PMS1: variants seen among roughly 807,000 people sequenced by gnomAD.
PMS1 encodes the protein PMS1 protein homolog 1.
PMS1 carries 79 observed loss-of-function variants against 93.1 expected under a neutral mutation model. The observed-to-expected ratio is 0.85, with a 90% CI of 0.71 to 1.02. PMS1 has a LOEUF of 1.02. Among genes scored for constraint, PMS1 ranks in the 50% least tolerant of loss-of-function variants. The pLI is 0.00. For missense variants in PMS1, 1,064 were observed against 1,085.3 expected (o/e 0.98, Z 0.28); for synonymous variants, 335 against 363.4 (o/e 0.92, Z 0.89).
chr2:189,854,706 TGGGGAAA>T lies in PMS1; in HGVS notation c.1435_1441del (p.Gly479MetfsTer35). On this transcript the variant is annotated frameshift_variant, in exon 9 of 13. Transcript: ENST00000441310. LOFTEE classifies it high-confidence loss of function. ...GCAATAAAGACCATATAGATGAGAG[TGGGGAAA>T]ATGAGGAAGAAGCAGGTCTTGAAAA... 1 of 1,613,392 alleles carries T rather than the reference TGGGGAAA, an allele frequency of 6.2e-7. No individual in the cohort carries two copies. Among genetic ancestry groups the T allele is most frequent in the Non-Finnish European group, 8.5e-7 (1 of 1,179,770 alleles).
chr2:189,837,059 C>A (rs2053439375), intron 5 of PMS1, among the ~76,000 whole-genome samples: 1 of 152,078 alleles, frequency 6.6e-6, no homozygotes, highest in South Asian at 2.1e-4. Context: ...AATTTTAAAA[C>A]ATTAGTTTTT....
At chr2:189,815,663 A>G (rs1197808032) in intron 4 of PMS1, among the ~76,000 whole-genome samples, 1 of 152,128 alleles carries the variant, frequency 6.6e-6, no homozygotes, top group Non-Finnish European at 1.5e-5. Context: ...CAGATTACCT[A>G]TTCCAGGGTA....
intron 5 of PMS1, among the ~76,000 whole-genome samples, chr2:189,821,419 T>C (rs796838623): frequency 2.7e-5 from 4 of 147,196 alleles, no homozygotes; most frequent in African/African-American, 7.6e-5. Flanking sequence ...ATTGCGCCAC[T>C]GCACTCCAGC....
intron 5 of PMS1, among the ~76,000 whole-genome samples, chr2:189,835,409 A>G (rs1254012024): frequency 6.6e-6 from 1 of 152,210 alleles, no homozygotes; most frequent in African/African-American, 2.4e-5. Flanking sequence ...ATAATTTTAT[A>G]CTGAATTCAA....
intron 6 of PMS1, among the ~76,000 whole-genome samples, chr2:189,850,394 G>A (rs2054594089): frequency 6.6e-6 from 1 of 152,110 alleles, no homozygotes; most frequent in African/African-American, 2.4e-5. Flanking sequence ...AAGGAGTATA[G>A]GATGAGCTAG....
intron 4 of PMS1, among the ~76,000 whole-genome samples, chr2:189,815,926 CAG>C (rs892477737): frequency 2.0e-5 from 3 of 152,122 alleles, no homozygotes; most frequent in South Asian, 2.1e-4. Context: ...CCCTTAGAAA[CAG>C]GGTTTTGTTC....
intron 5 of PMS1, among the ~76,000 whole-genome samples, chr2:189,827,486 C>T (rs1575164237): frequency 1.3e-5 from 2 of 152,162 alleles, no homozygotes; most frequent in East Asian, 1.9e-4. Context: ...CTTAGAAGTT[C>T]TACTGAGTTC....
chr2:189,831,567 T>C, intron 5 of PMS1, among the ~76,000 whole-genome samples: 1 of 152,168 alleles, frequency 6.6e-6, no homozygotes, highest in Middle Eastern at 3.2e-3. Context: ...TAATACTGCA[T>C]CCTTTTTTAA....
chr2:189,873,567 GATTTAAAAGA>G lies in PMS1; in HGVS notation c.2547_2556del (p.Asp849GlufsTer7). 6.2e-7 allele frequency: 1 copy of G among 1,600,104 alleles called. No individual in the cohort carries two copies. The highest frequency in any genetic ancestry group is 8.6e-7 in the Non-Finnish European group (1 of 1,167,372). Reference sequence around the variant, plus strand: ...TTGTCTCCCATTCTATGGAGTAGCAGATTTAAAAGAAATTCTTAATGCTATATTAAACAGA... The same window carrying G: ...TTGTCTCCCATTCTATGGAGTAGCAGAATTCTTAATGCTATATTAAACAGA... On this transcript the variant is annotated frameshift_variant, in exon 12 of 13. Coordinates refer to ENST00000441310, the MANE Select transcript of PMS1 (RefSeq NM_000534.5). LOFTEE classifies it high-confidence loss of function.
In PMS1 at chr2:189,816,212, A is replaced by G. The variant is rs1249204618; in HGVS notation, c.419-1805A>G. On this transcript the variant is annotated intron_variant, in intron 4 of 12. Transcript: ENST00000441310. Reference sequence around the variant, plus strand: ...CACCTGGTGAAATCTCTATTTTGATATTATAGTCATTTGGTTAGAGTTTAT... The same window carrying G: ...CACCTGGTGAAATCTCTATTTTGATGTTATAGTCATTTGGTTAGAGTTTAT... 3.3e-5 allele frequency among the ~76,000 whole-genome samples: 5 copies of G among 152,182 alleles called. No individual in the cohort carries two copies. In the South Asian group the frequency reaches 6.2e-4, roughly 19 times the overall value.
chr2:189,853,833 T>C (rs939454953), intron 7 of PMS1, 106 bp from the exon 8 acceptor site: 4 of 708,182 alleles, frequency 5.6e-6, no homozygotes, highest in Non-Finnish European at 9.3e-6. Flanking sequence ...ATGCTTTTCC[T>C]AATAAGCAGT....
At chr2:189,837,899 T>C (rs1049358129) in intron 5 of PMS1, among the ~76,000 whole-genome samples, 3 of 152,222 alleles carry the variant, frequency 2.0e-5, no homozygotes, top group South Asian at 2.1e-4. Context: ...AAGGTTATGC[T>C]AAGTGAAAGA....
intron 5 of PMS1, among the ~76,000 whole-genome samples, chr2:189,825,162 T>G (rs1651298472): frequency 6.6e-6 from 1 of 152,184 alleles, no homozygotes; most frequent in Admixed American, 6.5e-5. Flanking sequence ...CTTTGAATAC[T>G]GATAATGTTG....
chr2:189,791,951 C>G lies in PMS1; in HGVS notation c.132+10C>G. The G allele has an allele frequency of 6.2e-7, 1 of 1,612,910 alleles. No individual in the cohort carries two copies. Among genetic ancestry groups the G allele is most frequent in the Non-Finnish European group, 8.5e-7 (1 of 1,179,064 alleles). On this transcript the variant is annotated intron_variant, in intron 2 of 12. Coordinates refer to ENST00000441310, the MANE Select transcript of PMS1 (RefSeq NM_000534.5). ...CGTAGATGTTAAACTGGTGAGTGTC[C>G]TTGAGAACCCAAATACCTTTAAGAC... is the stretch of plus-strand genomic sequence containing the variant.
intron 3 of PMS1, among the ~76,000 whole-genome samples, chr2:189,803,824 T>TA (rs2050102018): frequency 6.6e-6 from 1 of 152,236 alleles, no homozygotes; most frequent in Non-Finnish European, 1.5e-5. Context: ...CATATCTAAA[T>TA]ACGTTTTCGT....
chr2:189,865,302 A>C (rs575987307), intron 10 of PMS1, among the ~76,000 whole-genome samples: 1 of 152,186 alleles, frequency 6.6e-6, no homozygotes, highest in Non-Finnish European at 1.5e-5. Flanking sequence ...ATTCTGAGTC[A>C]TTTGTTCAGT....
At chr2:189,875,955 CA>C (rs561168809) in intron 12 of PMS1, among the ~76,000 whole-genome samples, 874 of 46,160 alleles carry the variant, frequency 0.019, 1 homozygote, top group Non-Finnish European at 0.028. Flanking sequence ...GACTCTGTCT[CA>C]AAAAAAAAAA....
At chr2:189,814,638 T>C (rs1160376580) in intron 4 of PMS1, among the ~76,000 whole-genome samples, 2 of 152,234 alleles carry the variant, frequency 1.3e-5, no homozygotes, top group Non-Finnish European at 2.9e-5. Flanking sequence ...GTGCTAGGGA[T>C]ATAATGGCAA....
Position 189,875,578 on chromosome 2 carries a change from C to T in PMS1, c.2635-1694C>T, listed in dbSNP as rs148111881. Among the ~76,000 whole-genome samples the T allele has an allele frequency of 1.5e-3, 234 of 152,020 alleles. 2 individuals are homozygous for T. Among genetic ancestry groups the T allele is most frequent in the African/African-American group, 5.3e-3 (219 of 41,446 alleles). ...AGTAGTGGAAAAGTAGGCAGCAAGT[C>T]GTATGATAGTGAATAGTGAAAGGAA... On this transcript the variant is annotated intron_variant, in intron 12 of 12. Transcript: ENST00000441310.
Sources: gnomAD v4.1 joint callset for allele counts (sites outside exome capture counted in the v4.1 genomes callset) on GRCh38, gnomAD v4.1.1 for gene constraint, MANE v1.5 for transcripts, NCBI Gene and HGNC (gene_info 2026-07-23, HGNC 2026-07-21) for gene names.